Variants in EXT2 observed in about 807,000 individuals in gnomAD.
EXT2 encodes the protein exostosin glycosyltransferase 2.
EXT2 carries 53 observed loss-of-function variants against 81.6 expected under a neutral mutation model. That is an observed-to-expected ratio of 0.65 (90% CI 0.52 to 0.82). The LOEUF (loss-of-function observed/expected upper bound fraction) is 0.82. Ranked by LOEUF, EXT2 falls within the 40% of genes least tolerant of loss-of-function variation. The pLI is 0.00. For synonymous variants in EXT2, 320 were observed against 340.0 expected (o/e 0.94, Z 0.65); for missense variants, 774 against 910.2 (o/e 0.85, Z 1.93).
At position 44,171,728 on chromosome 11, in the gene EXT2, G is replaced by T; in HGVS notation, c.1291G>T (p.Asp431Tyr). ...TGCCATCTCCTATGAAGAATGGAAT[G>T]ACCCTCCTGCTGTGGTAAGTGAATT... ...YAAISYEEWNDPPAVKWGSVS... is the reference protein window; with the variant it reads ...YAAISYEEWNYPPAVKWGSVS... The change falls in exon 8 of 14, where the codon GAC becomes TAC. Residue 431 changes from aspartate to tyrosine, a missense_variant. Transcript: ENST00000533608. 6.2e-7 allele frequency: 1 copy of T among 1,613,998 alleles called. No individual in the cohort carries two copies. The highest frequency in any genetic ancestry group is 8.5e-7 in the Non-Finnish European group (1 of 1,179,908).
In EXT2 at chr11:44,248,826, C is replaced by G. The variant is rs1956116662; in HGVS notation, c.*4539C>G. On this transcript the variant is annotated 3_prime_UTR_variant, in exon 14 of 14. Coordinates refer to ENST00000533608, the MANE Select transcript of EXT2 (RefSeq NM_207122.2). Reference sequence around the variant, plus strand: ...ATTTCCGGCTCACCATTGCTGGCAACAGTGGGAAGATGACCAGAGAAAGTT... The same window carrying G: ...ATTTCCGGCTCACCATTGCTGGCAAGAGTGGGAAGATGACCAGAGAAAGTT... Among the ~76,000 whole-genome samples the G allele has an allele frequency of 6.6e-6, 1 of 152,152 alleles. No individual in the cohort carries two copies. The highest frequency in any genetic ancestry group is 1.5e-5 in the Non-Finnish European group (1 of 68,018).
At chr11:44,109,789 G>T (rs1191122019) in intron 3 of EXT2, among the ~76,000 whole-genome samples, 1 of 152,082 alleles carries the variant, frequency 6.6e-6, no homozygotes, top group Admixed American at 6.5e-5. Context: ...CGCCCCTCTT[G>T]CCTTTCGTTC....
At chr11:44,152,085 T>A (rs1954799610) in intron 7 of EXT2, among the ~76,000 whole-genome samples, 1 of 152,226 alleles carries the variant, frequency 6.6e-6, no homozygotes, top group African/African-American at 2.4e-5. Context: ...ATTGTAGAGT[T>A]TTACGAGTAT....
At chr11:44,193,792 C>A (rs558867254) in intron 8 of EXT2, among the ~76,000 whole-genome samples, 1 of 152,172 alleles carries the variant, frequency 6.6e-6, no homozygotes, top group African/African-American at 2.4e-5. Flanking sequence ...GTCCATACCC[C>A]CCATGCTGCC....
At chr11:44,167,830 A>G (rs961174486) in intron 7 of EXT2, among the ~76,000 whole-genome samples, 2 of 152,130 alleles carry the variant, frequency 1.3e-5, no homozygotes, top group South Asian at 4.1e-4. Flanking sequence ...TATTATTATT[A>G]TACTTTAAGT....
At chr11:44,180,088 G>C (rs556376046) in intron 8 of EXT2, among the ~76,000 whole-genome samples, 2 of 152,088 alleles carry the variant, frequency 1.3e-5, no homozygotes, top group Non-Finnish European at 2.9e-5. Flanking sequence ...AAAAATTCAA[G>C]TAAAAGAAAC....
rs528030088 is a variant in EXT2 at position 44,251,755 on chromosome 11, A to C, written c.*7468A>C. The stretch of plus-strand genomic sequence containing the variant: ...AAAAGATTCTTTTCCCTTAAAAAAT[A>C]AAAAAACCTGATGTGATGGGTTCCT... On this transcript the variant is annotated 3_prime_UTR_variant, in exon 14 of 14. Coordinates refer to ENST00000533608, the MANE Select transcript of EXT2 (RefSeq NM_207122.2). 1.3e-5 allele frequency among the ~76,000 whole-genome samples: 2 copies of C among 152,302 alleles called. No individual in the cohort carries two copies. The highest frequency in any genetic ancestry group is 3.9e-4 in the East Asian group (2 of 5,188).
rs999468857 is a variant in EXT2 at position 44,250,544 on chromosome 11, G to T, written c.*6257G>T. On this transcript the variant is annotated 3_prime_UTR_variant, in exon 14 of 14. Coordinates refer to ENST00000533608, the MANE Select transcript of EXT2 (RefSeq NM_207122.2). ...TTACCGTGTTACCAGAGAGCCTGGG[G>T]GTCTGGATCCTATCTGGCCCCGTCA... 7.9e-5 allele frequency among the ~76,000 whole-genome samples: 12 copies of T among 152,206 alleles called. No homozygotes were observed. Among genetic ancestry groups the T allele is most frequent in the Non-Finnish European group, 1.6e-4 (11 of 68,036 alleles).
At chr11:44,150,997 A>G (rs907412974) in intron 7 of EXT2, among the ~76,000 whole-genome samples, 15 of 152,234 alleles carry the variant, frequency 9.9e-5, no homozygotes, top group African/African-American at 3.4e-4. Context: ...AAATTGTCAG[A>G]TGAATTAGAA....
intron 10 of EXT2, among the ~76,000 whole-genome samples, chr11:44,228,424 A>T (rs909421815): frequency 6.6e-6 from 1 of 152,196 alleles, no homozygotes; most frequent in Non-Finnish European, 1.5e-5. Context: ...ATGAAGAGAC[A>T]GGGTAGAGTT....
In EXT2 at chr11:44,231,247, A is replaced by ACT. The variant is rs527898034; in HGVS notation, c.1663-1106_1663-1105insCT. Among the ~76,000 whole-genome samples the ACT allele has an allele frequency of 1.1e-3, 168 of 152,298 alleles. 1 individual carries two copies. The highest frequency in any genetic ancestry group is 3.9e-3 in the African/African-American group (163 of 41,558). ...GGTAAGAGATAGAAGAAGAGCCAGC[A>ACT]GTACTCGCTAATGGATTGAACATGA... is the stretch of plus-strand genomic sequence containing the variant. On this transcript the variant is annotated intron_variant, in intron 10 of 13. Transcript: ENST00000533608.
At chr11:44,232,595 A>G in intron 11 of EXT2, 99 bp downstream of exon 11, 2 of 1,472,008 alleles carry the variant, frequency 1.4e-6, no homozygotes, top group Non-Finnish European at 1.9e-6. Flanking sequence ...GAGGGCTTAG[A>G]AAAGCCATAT....
chr11:44,125,755 C>G (rs1003674136), intron 5 of EXT2, among the ~76,000 whole-genome samples: 19 of 151,904 alleles, frequency 1.3e-4, no homozygotes, highest in African/African-American at 4.4e-4. Flanking sequence ...TGCTGCACTC[C>G]TCCTGGAATG....
At position 44,095,706 on chromosome 11, in the gene EXT2, C is replaced by T. The variant is rs1052473184; in HGVS notation, c.-177C>T. The T allele has an allele frequency of 1.3e-5, 2 of 153,102 alleles. No individual in the cohort carries two copies. The highest frequency in any genetic ancestry group is 1.5e-5 in the Non-Finnish European group (1 of 68,756). The allele number at this position is 153,102 out of a possible 1,614,324, so 9.5% of individuals were successfully genotyped here. ...CGGCCCGGATCCCGGTTACCGGCCC[C>T]TCGCTCGCTGCTCGCCAGCCCAGAC... is the stretch of plus-strand genomic sequence containing the variant. On this transcript the variant is annotated 5_prime_UTR_variant, in exon 1 of 14. Coordinates refer to ENST00000533608, the MANE Select transcript of EXT2 (RefSeq NM_207122.2).
chr11:44,234,300 A>C, intron 12 of EXT2, 57 bp downstream of exon 12: 1 of 1,536,622 alleles, frequency 6.5e-7, no homozygotes, highest in East Asian at 2.3e-5. Flanking sequence ...CTATTATCTG[A>C]GCCTAGGAAG....
chr11:44,113,104 G>A (rs755107329), intron 3 of EXT2, among the ~76,000 whole-genome samples: 2 of 152,178 alleles, frequency 1.3e-5, no homozygotes, highest in Non-Finnish European at 2.9e-5. Flanking sequence ...AGAGTAGACC[G>A]GCAGCTGGAG....
intron 9 of EXT2, among the ~76,000 whole-genome samples, chr11:44,199,564 T>C (rs1438939745): frequency 6.6e-6 from 1 of 152,258 alleles, no homozygotes; most frequent in Non-Finnish European, 1.5e-5. Flanking sequence ...GCTCCTGCAA[T>C]CCTGCCTGAA....
chr11:44,202,251 C>A (rs1010174437), intron 9 of EXT2, among the ~76,000 whole-genome samples: 2 of 152,176 alleles, frequency 1.3e-5, no homozygotes, highest in Non-Finnish European at 2.9e-5. Flanking sequence ...TGGACATGGT[C>A]TCAAGTAATT....
At position 44,152,511 on chromosome 11, in the gene EXT2, C is replaced by T. The variant is rs377242057; in HGVS notation, c.1174-19100C>T. Among the ~76,000 whole-genome samples, 101 of 152,182 alleles carry T rather than the reference C, an allele frequency of 6.6e-4. 1 individual carries two copies. In the East Asian group the frequency reaches 0.011, roughly 17 times the overall value. On this transcript the variant is annotated intron_variant, in intron 7 of 13. Coordinates refer to ENST00000533608, the MANE Select transcript of EXT2 (RefSeq NM_207122.2). ...GACTACAGGTGCACACCACCACACC[C>T]GGCTAATCTTTGTATTTTTAGTAGA...
Sources: allele counts gnomAD v4.1 joint callset (sites outside exome capture counted in the v4.1 genomes callset), GRCh38; gene constraint gnomAD v4.1.1; transcripts MANE v1.5; gene names NCBI Gene and HGNC (gene_info 2026-07-23, HGNC 2026-07-21).